Variants in BCKDHB observed in about 807,000 individuals in gnomAD.
BCKDHB encodes 2-oxoisovalerate dehydrogenase subunit beta, mitochondrial.
In BCKDHB, 41 loss-of-function variants were observed where a neutral mutation model predicts 48.5. That is an observed-to-expected ratio of 0.85 (90% CI 0.66 to 1.10). The LOEUF (loss-of-function observed/expected upper bound fraction) is 1.10. Among genes scored for constraint, BCKDHB ranks in the 50% least tolerant of loss-of-function variants. The pLI, the probability that BCKDHB is intolerant of heterozygous loss-of-function variation, is 0.00. For missense variants in BCKDHB, 496 were observed against 494.2 expected, an observed-to-expected ratio of 1.00 and a Z score of -0.03; for synonymous variants, 201 against 174.8, an observed-to-expected ratio of 1.15 and a Z score of -1.18.
At chr6:80,188,116 G>A (rs753737014) in intron 6 of BCKDHB, among the ~76,000 whole-genome samples, 2 of 152,060 alleles carry the variant, frequency 1.3e-5, no homozygotes, top group Non-Finnish European at 1.5e-5. Context: ...AGAAAATGTA[G>A]TATATATACA....
At chr6:80,140,277 T>G (rs912193348) in intron 3 of BCKDHB, among the ~76,000 whole-genome samples, 1 of 152,220 alleles carries the variant, frequency 6.6e-6, no homozygotes, top group African/African-American at 2.4e-5. Flanking sequence ...CCTCTTTTCC[T>G]AATTGAATAC....
chr6:80,347,573 T>C (rs867928237), downstream of BCKDHB, among the ~76,000 whole-genome samples: 1 of 152,214 alleles, frequency 6.6e-6, no homozygotes, highest in African/African-American at 2.4e-5. Flanking sequence ...TAATGCTATA[T>C]TTTCTATTCA....
rs528074437 is a variant in BCKDHB at position 80,244,036 on chromosome 6, A to G, written c.952-29099A>G. Reference sequence around the variant, plus strand: ...TCTCAAAGTACCTAAGACAAAATACACTATTTCTTGAGGGCTGATCTATAA... The same window carrying G: ...TCTCAAAGTACCTAAGACAAAATACGCTATTTCTTGAGGGCTGATCTATAA... On this transcript the variant is annotated intron_variant, in intron 8 of 9. Transcript: ENST00000320393. 4.6e-5 allele frequency among the ~76,000 whole-genome samples: 7 copies of G among 152,368 alleles called. 1 individual carries two copies. Among genetic ancestry groups the G allele is most frequent in the African/African-American group, 1.4e-4 (6 of 41,594 alleles).
chr6:80,396,883 G>A, the BCKDHB span, among the ~76,000 whole-genome samples: 1 of 152,128 alleles, frequency 6.6e-6, no homozygotes, highest in African/African-American at 2.4e-5. Context: ...ACCCCGTCTT[G>A]GGTATGTCTT....
At chr6:80,216,451 AT>A (rs368026039) in intron 8 of BCKDHB, among the ~76,000 whole-genome samples, 1 of 151,908 alleles carries the variant, frequency 6.6e-6, no homozygotes, top group African/African-American at 2.4e-5. Context: ...TTCATTTAGC[AT>A]TTTTTTTCCT....
At chr6:80,321,403 A>G (rs539225022) in intron 9 of BCKDHB, among the ~76,000 whole-genome samples, 2 of 152,324 alleles carry the variant, frequency 1.3e-5, no homozygotes, top group Non-Finnish European at 2.9e-5. Context: ...TCCCTCGTCC[A>G]GGTGGATTAT....
chr6:80,180,396 AGTG>A (rs1773356376), intron 6 of BCKDHB, among the ~76,000 whole-genome samples: 1 of 152,202 alleles, frequency 6.6e-6, no homozygotes, highest in Non-Finnish European at 1.5e-5. Context: ...TGTACAAAAT[AGTG>A]ATGATTCAAA....
At chr6:80,374,560 A>G in the BCKDHB span, 1 of 683,114 alleles carries the variant, frequency 1.5e-6, no homozygotes, top group East Asian at 2.6e-5. Flanking sequence ...TCAAGTGTAT[A>G]GGGCACCATT....
intron 3 of BCKDHB, among the ~76,000 whole-genome samples, chr6:80,137,091 T>G (rs1388388725): frequency 6.6e-6 from 1 of 152,204 alleles, no homozygotes; most frequent in Non-Finnish European, 1.5e-5. Flanking sequence ...TGCAGCAATA[T>G]GCCTTTCTTT....
chr6:80,153,289 T>A (rs1771880757), intron 3 of BCKDHB, among the ~76,000 whole-genome samples: 1 of 152,110 alleles, frequency 6.6e-6, no homozygotes, highest in South Asian at 2.1e-4. Context: ...GGATTTGGGT[T>A]CATAGTTTTG....
intron 9 of BCKDHB, among the ~76,000 whole-genome samples, chr6:80,298,737 G>A: frequency 6.6e-6 from 1 of 152,158 alleles, no homozygotes; most frequent in Admixed American, 6.5e-5. Flanking sequence ...GAAAAGGAAA[G>A]GAGAGAGAGG....
chr6:80,440,803 C>T, the BCKDHB span: 1 of 152,174 alleles, frequency 6.6e-6, no homozygotes, highest in African/African-American at 2.4e-5. Context: ...ATTTTCTTGC[C>T]ATTTCAATCC....
chr6:80,155,604 C>T (rs1167706537), intron 3 of BCKDHB, among the ~76,000 whole-genome samples: 1 of 152,068 alleles, frequency 6.6e-6, no homozygotes, highest in South Asian at 2.1e-4. Flanking sequence ...TTTTCATACC[C>T]AACCATAGTT....
At chr6:80,386,994 A>G in the BCKDHB span, among the ~76,000 whole-genome samples, 2 of 152,110 alleles carry the variant, frequency 1.3e-5, no homozygotes, top group Non-Finnish European at 2.9e-5. Context: ...CCCCCCAAGG[A>G]GACCTCCAGC....
chr6:80,217,030 G>A (rs553769731), intron 8 of BCKDHB, among the ~76,000 whole-genome samples: 1 of 152,152 alleles, frequency 6.6e-6, no homozygotes, highest in Non-Finnish European at 1.5e-5. Flanking sequence ...ATCACTTGAG[G>A]TCAGGAGTTT....
At chr6:80,283,400 C>G (rs1412236288) in intron 9 of BCKDHB, among the ~76,000 whole-genome samples, 1 of 152,166 alleles carries the variant, frequency 6.6e-6, no homozygotes, top group African/African-American at 2.4e-5. Flanking sequence ...CCCAGTTTCT[C>G]TCATGCAATT....
the BCKDHB span, among the ~76,000 whole-genome samples, chr6:80,409,370 A>AGAGTT: frequency 0.022 from 3,297 of 151,398 alleles, 128 homozygotes; most frequent in African/African-American, 0.074. Context: ...TTTGGGATGG[A>AGAGTT]GAGTTCTGTA....
At position 80,309,599 on chromosome 6, in the gene BCKDHB, G is replaced by C. The variant is rs547488156; in HGVS notation, c.1039-34065G>C. Among the ~76,000 whole-genome samples, 66 of 151,824 alleles carry C rather than the reference G, an allele frequency of 4.3e-4. 2 individuals are homozygous for C. The South Asian group carries it at 9.8e-3, about 22-fold the overall frequency. ...TGTGGTTTTTTTTGTTTGTTTGTTTGTTTGTTTGTTTGTTTTACTGAATAG... is the reference window on the plus strand; with the variant it reads ...TGTGGTTTTTTTTGTTTGTTTGTTTCTTTGTTTGTTTGTTTTACTGAATAG... On this transcript the variant is annotated intron_variant, in intron 9 of 9. Coordinates refer to ENST00000320393, the MANE Select transcript of BCKDHB (RefSeq NM_183050.4).
At chr6:80,222,795 A>G (rs1281576644) in intron 8 of BCKDHB, among the ~76,000 whole-genome samples, 1 of 152,224 alleles carries the variant, frequency 6.6e-6, no homozygotes, top group Non-Finnish European at 1.5e-5. Context: ...GAAGACTTCT[A>G]AGCAGCTTGA....
Sources: gnomAD v4.1 joint callset for allele counts (sites outside exome capture counted in the v4.1 genomes callset) on GRCh38, gnomAD v4.1.1 for gene constraint, MANE v1.5 for transcripts, NCBI Gene and HGNC (gene_info 2026-07-23, HGNC 2026-07-21) for gene names.